Variants in COPG2 observed in about 807,000 individuals in gnomAD.
COPG2 encodes coat protein complex I subunit gamma 2, also known as coatomer subunit gamma-2.
COPG2 carries 37 observed loss-of-function variants against 46.3 expected under a neutral mutation model. The observed-to-expected ratio is 0.80, with a 90% CI of 0.61 to 1.05. The LOEUF is 1.05. COPG2 is among the 50% of genes least tolerant of loss of function. COPG2 has a pLI of 0.00. For missense variants in COPG2, 427 were observed against 387.8 expected (o/e 1.10, Z -0.85); for synonymous variants, 159 against 129.7 (o/e 1.23, Z -1.53).
At position 130,616,221 on chromosome 7, in the gene COPG2, T is replaced by C. The variant is rs374073966; in HGVS notation, c.399+769A>G. ...TATATATTTTTTTCCAAGTGCAAAA[T>C]ACTCTATGAACTGCATCATTTGCTG... On this transcript the variant is annotated intron_variant, in intron 6 of 23. Coordinates refer to ENST00000425248, the MANE Select transcript of COPG2 (RefSeq NM_012133.6). Among the ~76,000 whole-genome samples, 41 of 152,316 alleles carry C rather than the reference T, an allele frequency of 2.7e-4. 1 individual carries two copies. The highest frequency in any genetic ancestry group is 2.1e-3 in the East Asian group (11 of 5,188).
intron 20 of COPG2, among the ~76,000 whole-genome samples, chr7:130,526,946 A>G (rs1486462355): frequency 6.3e-4 from 5 of 7,984 alleles, no homozygotes; most frequent in African/African-American, 1.7e-3. Context: ...GGGGGTGGGA[A>G]TGGGGGTGGG....
intron 5 of COPG2, among the ~76,000 whole-genome samples, chr7:130,617,308 T>C (rs566859624): frequency 6.6e-6 from 1 of 152,308 alleles, no homozygotes; most frequent in South Asian, 2.1e-4. Context: ...ATGGAACTTA[T>C]CATTCTGGGA....
At chr7:130,602,067 G>A (rs1794644376) in intron 9 of COPG2, among the ~76,000 whole-genome samples, 1 of 152,170 alleles carries the variant, frequency 6.6e-6, no homozygotes, top group Admixed American at 6.5e-5. Context: ...ACGAGGGAGG[G>A]ACCTTGAATC....
intron 9 of COPG2, among the ~76,000 whole-genome samples, chr7:130,609,435 C>G (rs1471591987): frequency 2.0e-5 from 3 of 152,196 alleles, no homozygotes; most frequent in Admixed American, 6.5e-5. Context: ...TGACTTGTTC[C>G]TCCTTGCCTT....
At chr7:130,587,119 C>T (rs1794290657) in intron 9 of COPG2, among the ~76,000 whole-genome samples, 1 of 151,772 alleles carries the variant, frequency 6.6e-6, no homozygotes, top group Non-Finnish European at 1.5e-5. Context: ...ACAGCCTGGC[C>T]AGCATGATGA....
At chr7:130,623,812 T>G (rs1473482154) in intron 5 of COPG2, among the ~76,000 whole-genome samples, 1 of 152,110 alleles carries the variant, frequency 6.6e-6, no homozygotes, top group African/African-American at 2.4e-5. Context: ...TAATGAGACC[T>G]TGTCTCAAGG....
chr7:130,647,737 T>C (rs1165739372), intron 5 of COPG2, among the ~76,000 whole-genome samples: 5 of 151,940 alleles, frequency 3.3e-5, no homozygotes, highest in African/African-American at 1.2e-4. Context: ...AAGATTTTTT[T>C]TTTTTTTTTT....
chr7:130,630,019 G>A (rs1381827542), intron 5 of COPG2, among the ~76,000 whole-genome samples: 2 of 151,510 alleles, frequency 1.3e-5, no homozygotes, highest in African/African-American at 4.8e-5. Flanking sequence ...CCGGGTTCAA[G>A]TGATTCTCTC....
rs184486513 is a variant in COPG2, at chr7:130,599,518, C to G, written c.737+11435G>C. Among the ~76,000 whole-genome samples, 5 of 152,230 alleles carry G rather than the reference C, an allele frequency of 3.3e-5. No individual in the cohort carries two copies. The East Asian group carries it at 7.7e-4, about 24-fold the overall frequency. Reference sequence around the variant, plus strand: ...TAAATATTCTACCCCTTAGTTAAAGCAACCCATAAAGGTAGCAGCCCCAAA... The same window carrying G: ...TAAATATTCTACCCCTTAGTTAAAGGAACCCATAAAGGTAGCAGCCCCAAA... On this transcript the variant is annotated intron_variant, in intron 9 of 23. Transcript: ENST00000425248.
chr7:130,566,415 T>G (rs954351442), intron 9 of COPG2, among the ~76,000 whole-genome samples: 4 of 152,240 alleles, frequency 2.6e-5, no homozygotes, highest in African/African-American at 9.6e-5. Flanking sequence ...AGTTTGGAGA[T>G]TTCTCAAAGA....
intron 20 of COPG2, chr7:130,511,895 G>A (rs1554441066): frequency 1.9e-6 from 1 of 513,452 alleles, no homozygotes; most frequent in Non-Finnish European, 3.9e-6. Context: ...TGATAGGAAA[G>A]TTATAAACTG....
At chr7:130,583,065 T>G (rs1267397392) in intron 9 of COPG2, among the ~76,000 whole-genome samples, 1 of 151,010 alleles carries the variant, frequency 6.6e-6, no homozygotes. Flanking sequence ...TATTGCAGCA[T>G]TATTCACAAT....
chr7:130,623,069 C>G (rs553902050), intron 5 of COPG2, among the ~76,000 whole-genome samples: 2 of 152,144 alleles, frequency 1.3e-5, no homozygotes, highest in Admixed American at 6.5e-5. Flanking sequence ...CAGTTTGTGG[C>G]CCTGACTTCT....
At position 130,540,734 on chromosome 7, in the gene COPG2, G is replaced by A. The variant is rs940107154; in HGVS notation, c.2149+6940C>T. On this transcript the variant is annotated intron_variant, in intron 20 of 23. Coordinates refer to ENST00000425248, the MANE Select transcript of COPG2 (RefSeq NM_012133.6). ...CTATGGCAAGCACTAGAATGGTCTAGGTGTGAAATGAGGGAGTAATGTCAG... is the reference window on the plus strand; with the variant it reads ...CTATGGCAAGCACTAGAATGGTCTAAGTGTGAAATGAGGGAGTAATGTCAG... Among the ~76,000 whole-genome samples, 228 of 152,184 alleles carry A rather than the reference G, an allele frequency of 1.5e-3. 2 individuals carry two copies. The highest frequency in any genetic ancestry group is 5.2e-3 in the African/African-American group (214 of 41,520).
At chr7:130,562,665 A>ATAC (rs1793737551) in intron 11 of COPG2, among the ~76,000 whole-genome samples, 1 of 152,234 alleles carries the variant, frequency 6.6e-6, no homozygotes, top group South Asian at 2.1e-4. Flanking sequence ...AAATGTAAAT[A>ATAC]TACTGGATGT....
At chr7:130,562,949 A>AGT (rs1337386849) in intron 11 of COPG2, among the ~76,000 whole-genome samples, 7 of 152,212 alleles carry the variant, frequency 4.6e-5, no homozygotes, top group Non-Finnish European at 8.8e-5. Flanking sequence ...GAGTACAAGA[A>AGT]GTGTGACTCA....
intron 5 of COPG2, among the ~76,000 whole-genome samples, chr7:130,620,604 C>T (rs1252508720): frequency 6.6e-6 from 1 of 152,102 alleles, no homozygotes; most frequent in African/African-American, 2.4e-5. Flanking sequence ...ATGCCTGTCC[C>T]ACCACAGTAT....
rs1191339537 is a variant in COPG2, at chr7:130,548,392, C to G, written c.1977+11G>C. The G allele has an allele frequency of 7.5e-6, 3 of 398,438 alleles. No individual in the cohort carries two copies. The highest frequency in any genetic ancestry group is 6.2e-5 in the African/African-American group (3 of 48,622). The allele number at this position is 398,438 out of a possible 1,614,324, so 24.7% of individuals were successfully genotyped here. A position where few individuals can be genotyped will look rare whatever the true frequency, so the allele number is the denominator to read the frequency against. On this transcript the variant is annotated intron_variant, in intron 19 of 23. Transcript: ENST00000425248. ...ACTAAATCTCTACAGCAGCCAAGGG[C>G]ATTATCTTACCTGGAACACGATGTG...
At chr7:130,610,634 A>G in intron 9 of COPG2, 1 of 550,786 alleles carries the variant, frequency 1.8e-6, no homozygotes, top group Non-Finnish European at 3.5e-6. Flanking sequence ...TTATAAAAAT[A>G]AAAGGGATAG....
Sources: allele counts gnomAD v4.1 joint callset (sites outside exome capture counted in the v4.1 genomes callset), GRCh38; gene constraint gnomAD v4.1.1; transcripts MANE v1.5; gene names NCBI Gene and HGNC (gene_info 2026-07-23, HGNC 2026-07-21).